Variants in RIMS3 observed in about 807,000 individuals in gnomAD.
The protein encoded by RIMS3 is regulating synaptic membrane exocytosis protein 3.
In RIMS3, 15 loss-of-function variants were observed where a neutral mutation model predicts 29.2. The ratio of observed to expected loss-of-function variants is 0.51; its 90% confidence interval spans 0.34 to 0.79. The LOEUF is 0.79. RIMS3 is among the 30% of genes least tolerant of loss of function. The pLI is 0.01. For missense variants in RIMS3, 342 were observed against 421.4 expected, an observed-to-expected ratio of 0.81 and a Z score of 1.65; for synonymous variants, 161 against 170.1, an observed-to-expected ratio of 0.95 and a Z score of 0.41.
At chr1:40,689,293 T>C in the RIMS3 span, among the ~76,000 whole-genome samples, 7 of 152,226 alleles carry the variant, frequency 4.6e-5, no homozygotes, top group East Asian at 9.7e-4. Flanking sequence ...TCTTTCTTTC[T>C]TTTTTTGAGA....
In RIMS3 at chr1:40,658,463, T is replaced by C. The variant is rs112382183; in HGVS notation, c.-207+6931A>G. On this transcript the variant is annotated intron_variant, in intron 1 of 7. Transcript: ENST00000372684. Reference sequence around the variant, plus strand: ...ACTCTAAGAATTCCAGGAGATGTGTTTGGAAGCTAACGAAGATCCCCCTTC... The same window carrying C: ...ACTCTAAGAATTCCAGGAGATGTGTCTGGAAGCTAACGAAGATCCCCCTTC... 9.1e-3 allele frequency among the ~76,000 whole-genome samples: 1,390 copies of C among 152,292 alleles called. 14 individuals carry two copies. The highest frequency in any genetic ancestry group is 0.035 in the South Asian group (170 of 4,820).
At chr1:40,648,490 T>C (rs1332323774) in intron 1 of RIMS3, among the ~76,000 whole-genome samples, 2 of 152,108 alleles carry the variant, frequency 1.3e-5, no homozygotes, top group African/African-American at 4.8e-5. Context: ...CCTTAACAAA[T>C]CCCCTGAGCC....
intron 1 of RIMS3, among the ~76,000 whole-genome samples, chr1:40,657,469 G>C (rs1209784396): frequency 6.6e-6 from 1 of 152,146 alleles, no homozygotes; most frequent in African/African-American, 2.4e-5. Context: ...TGACAGACTG[G>C]GTGTCGTGAA....
At chr1:40,633,232 T>A (rs1448576006) in intron 4 of RIMS3, 51 bp from the exon 5 acceptor site, 1 of 1,436,032 alleles carries the variant, frequency 7.0e-7, no homozygotes, top group African/African-American at 1.4e-5. Context: ...AACCTGAGGA[T>A]GAAAGTATAG....
At chr1:40,674,771 C>T in the RIMS3 span, among the ~76,000 whole-genome samples, 1 of 152,184 alleles carries the variant, frequency 6.6e-6, no homozygotes, top group Non-Finnish European at 1.5e-5. Context: ...GAATACACAG[C>T]AAGAAGGCCC....
chr1:40,652,822 C>G (rs1374333780), intron 1 of RIMS3, among the ~76,000 whole-genome samples: 2 of 152,200 alleles, frequency 1.3e-5, no homozygotes, highest in East Asian at 3.8e-4. Context: ...AGAAGCCTGA[C>G]AGCAGGAAGA....
chr1:40,632,915 AC>A (rs1182765134), intron 5 of RIMS3, among the ~76,000 whole-genome samples, 153 bp downstream of exon 5: 2 of 152,154 alleles, frequency 1.3e-5, no homozygotes, highest in East Asian at 3.9e-4. Flanking sequence ...ATATGAGGAG[AC>A]TGAGGTTCAA....
At chr1:40,642,401 G>T (rs1389699754) in intron 2 of RIMS3, among the ~76,000 whole-genome samples, 1 of 152,194 alleles carries the variant, frequency 6.6e-6, no homozygotes, top group African/African-American at 2.4e-5. Flanking sequence ...GAAATATTCA[G>T]TAAGTATTGG....
At chr1:40,691,070 A>G in the RIMS3 span, 2 of 152,260 alleles carry the variant, frequency 1.3e-5, no homozygotes, top group Admixed American at 6.5e-5. Context: ...GAAATGAAAG[A>G]GATAAGTATG....
rs1332112290 is a variant in RIMS3 at position 40,641,928 on chromosome 1, TC to T, written c.-4del. On this transcript the variant is annotated 5_prime_UTR_variant, in exon 3 of 8. Coordinates refer to ENST00000372684, the MANE Select transcript of RIMS3 (RefSeq NM_014747.3). Reference sequence around the variant, plus strand: ...GGACCTGGCTCCCCGTTAAACATGGTCCCCGGGGTGGCAGGGCCTCAGGCAG... The same window carrying T: ...GGACCTGGCTCCCCGTTAAACATGGTCCCGGGGTGGCAGGGCCTCAGGCAG... 1.9e-6 allele frequency: 3 copies of T among 1,612,838 alleles called. No individual in the cohort carries two copies. The highest frequency in any genetic ancestry group is 1.3e-5 in the African/African-American group (1 of 74,990).
chr1:40,685,049 T>C, the RIMS3 span, among the ~76,000 whole-genome samples: 13 of 151,964 alleles, frequency 8.6e-5, no homozygotes, highest in Non-Finnish European at 1.6e-4. Context: ...TGGCTAATTG[T>C]CTGGGAGCCA....
chr1:40,678,680 T>A, the RIMS3 span, among the ~76,000 whole-genome samples: 1 of 152,202 alleles, frequency 6.6e-6, no homozygotes, highest in Admixed American at 6.5e-5. Flanking sequence ...GTAGCAGCTT[T>A]CCCTGTGCTT....
At chr1:40,637,929 G>A (rs898903464) in intron 3 of RIMS3, among the ~76,000 whole-genome samples, 3 of 152,004 alleles carry the variant, frequency 2.0e-5, no homozygotes, top group Non-Finnish European at 2.9e-5. Context: ...GGGCTCCCTC[G>A]CCTTCATATC....
chr1:40,689,055 C>T, the RIMS3 span, among the ~76,000 whole-genome samples: 1 of 152,032 alleles, frequency 6.6e-6, no homozygotes, highest in East Asian at 1.9e-4. Context: ...TGTTATGCTG[C>T]AGTAACAACG....
At chr1:40,656,390 A>G (rs1642273557) in intron 1 of RIMS3, among the ~76,000 whole-genome samples, 1 of 152,244 alleles carries the variant, frequency 6.6e-6, no homozygotes, top group African/African-American at 2.4e-5. Context: ...CAGTTATGAT[A>G]TTATGTTTTA....
rs1282184280 is a variant in RIMS3 at position 40,635,606 on chromosome 1, A to C, written c.359+310T>G. Among the ~76,000 whole-genome samples, 2 of 151,770 alleles carry C rather than the reference A, an allele frequency of 1.3e-5. No individual in the cohort carries two copies. The highest frequency in any genetic ancestry group is 2.9e-5 in the Non-Finnish European group (2 of 67,944). On this transcript the variant is annotated intron_variant, in intron 4 of 7. Transcript: ENST00000372684. This position sits in a 1 kb window ranked among gnomAD's most constrained non-coding sequence, Gnocchi z 4.1. ...ATTTTAGGGCCACATTTTCCTTTCCACCCTTTCCTCTGGAGCAGGGCAGTG... is the reference window on the plus strand; with the variant it reads ...ATTTTAGGGCCACATTTTCCTTTCCCCCCTTTCCTCTGGAGCAGGGCAGTG...
rs1368807329 is a variant in RIMS3 at position 40,654,383 on chromosome 1, A to G, written c.-206-6541T>C. On this transcript the variant is annotated intron_variant, in intron 1 of 7. Transcript: ENST00000372684. This position sits in a 1 kb window ranked among gnomAD's most constrained non-coding sequence, Gnocchi z 5.3. ...TTCCCTGCAACCTCTCCACCCCCGG[A>G]CCCTTTCAGGGCACAAAGACCCGCA... Among the ~76,000 whole-genome samples the G allele has an allele frequency of 1.3e-5, 2 of 151,966 alleles. No individual in the cohort carries two copies. The highest frequency in any genetic ancestry group is 2.9e-5 in the Non-Finnish European group (2 of 67,964).
In RIMS3 at chr1:40,633,149, T is replaced by A; in HGVS notation, c.392A>T (p.Glu131Val). Residue 131 changes from glutamate (E) to valine (V), a missense_variant, in exon 5 of 8, where the codon GAA (glutamate) becomes GTA (valine). By Grantham distance (121) the Glu-to-Val change is moderately radical (BLOSUM62 -2). Coordinates refer to ENST00000372684, the MANE Select transcript of RIMS3 (RefSeq NM_014747.3). ...ATCCAGGAAATCGCTGAACTGGCTT[T>A]CAGCCCCTAGCCGGGTAGTGGGGAA... ...FIFPTTRLGA[E>V]SQFSDFLDGL... is the part of the protein sequence containing the mutation. 6.2e-7 allele frequency: 1 copy of A among 1,614,168 alleles called. No homozygotes were observed. Among genetic ancestry groups the A allele is most frequent in the Non-Finnish European group, 8.5e-7 (1 of 1,179,980 alleles).
chr1:40,641,084 T>A (rs1015671967), intron 3 of RIMS3, among the ~76,000 whole-genome samples: 11 of 152,254 alleles, frequency 7.2e-5, no homozygotes, highest in Non-Finnish European at 1.3e-4. Context: ...ACTACAGAAC[T>A]GCATTTGTGT....
Sources: gnomAD v4.1 joint callset for allele counts (sites outside exome capture counted in the v4.1 genomes callset) on GRCh38, gnomAD v4.1.1 for gene constraint, Gnocchi (gnomAD v3.1) non-coding constraint, MANE v1.5 for transcripts, NCBI Gene and HGNC (gene_info 2026-07-23, HGNC 2026-07-21) for gene names.